ZNF804A: variants seen among roughly 807,000 people sequenced by gnomAD.
The protein encoded by ZNF804A is zinc finger protein 804A.
ZNF804A carries 2 observed loss-of-function variants against 16.5 expected under a neutral mutation model. The ratio of observed to expected loss-of-function variants is 0.12; its 90% CI spans 0.05 to 0.38. The LOEUF (loss-of-function observed/expected upper bound fraction) is 0.38, where lower values mean the gene tolerates loss of function less well. Among genes scored for constraint, ZNF804A ranks in the 10% least tolerant of loss-of-function variants. The pLI, the probability that ZNF804A is intolerant of heterozygous loss-of-function variation, is 0.99. For synonymous variants in ZNF804A, 534 were observed against 489.6 expected, an observed-to-expected ratio of 1.09 and a Z score of -1.20; for missense variants, 1,473 against 1,390.7, an observed-to-expected ratio of 1.06 and a Z score of -0.94.
rs2083485144 is a variant in ZNF804A at position 184,938,073 on chromosome 2, G to A, written c.2677G>A (p.Gly893Ser). The change falls in exon 4 of 4, where the codon GGT becomes AGT. Residue 893 changes from glycine to serine, a missense_variant. By Grantham distance (56) the Gly-to-Ser change is moderately conservative. Transcript: ENST00000302277. ...PNNLLPSETN[G>S]ETEHLEMETT... ...CAATCTCCTTCCTTCTGAAACCAAT[G>A]GTGAAACTGAGCATTTAGAAATGGA... The A allele has an allele frequency of 1.2e-6, 2 of 1,613,926 alleles. No individual in the cohort carries two copies. Among genetic ancestry groups the A allele is most frequent in the Non-Finnish European group, 1.7e-6 (2 of 1,180,028 alleles).
chr2:184,640,071 T>A (rs1435202241), intron 1 of ZNF804A, among the ~76,000 whole-genome samples: 3 of 151,954 alleles, frequency 2.0e-5, no homozygotes, highest in Non-Finnish European at 4.4e-5. Context: ...TCAGTACACA[T>A]ATAAATCTAG....
At chr2:184,931,649 C>T (rs562346690) in intron 2 of ZNF804A, among the ~76,000 whole-genome samples, 9 of 152,294 alleles carry the variant, frequency 5.9e-5, no homozygotes, top group African/African-American at 1.9e-4. Flanking sequence ...GTGAAGAAAC[C>T]TGACATGCCT....
At chr2:184,890,225 G>A (rs1477879250) in intron 2 of ZNF804A, among the ~76,000 whole-genome samples, 1 of 152,154 alleles carries the variant, frequency 6.6e-6, no homozygotes, top group African/African-American at 2.4e-5. Flanking sequence ...AAATGTTACT[G>A]TGTTGCCTTA....
intron 1 of ZNF804A, among the ~76,000 whole-genome samples, chr2:184,630,618 A>C (rs1418883627): frequency 1.3e-5 from 2 of 152,158 alleles, no homozygotes; most frequent in African/African-American, 2.4e-5. Flanking sequence ...AAGGGTAAAA[A>C]ATTCAAGGTT....
chr2:184,646,450 G>T lies in ZNF804A; in HGVS notation c.111+47380G>T, dbSNP rs146167643. Among the ~76,000 whole-genome samples, 266 of 152,310 alleles carry T rather than the reference G, an allele frequency of 1.7e-3. 3 individuals carry two copies. The East Asian group carries it at 0.023, about 13-fold the overall frequency. ...GCCCTCTGTGGTTTATGCCCAGGCA[G>T]AGCTCCAAGTATTCAGAGCATTTGC... On this transcript the variant is annotated intron_variant, in intron 1 of 3. Coordinates refer to ENST00000302277, the MANE Select transcript of ZNF804A (RefSeq NM_194250.2).
At chr2:184,621,798 G>A (rs1277987930) in intron 1 of ZNF804A, among the ~76,000 whole-genome samples, 2 of 151,666 alleles carry the variant, frequency 1.3e-5, no homozygotes. Flanking sequence ...GTATAGAAAT[G>A]CTTGTACCTA....
chr2:184,722,458 A>G (rs1217456670), intron 1 of ZNF804A, among the ~76,000 whole-genome samples: 5 of 152,038 alleles, frequency 3.3e-5, no homozygotes, highest in Admixed American at 6.6e-5. Context: ...ATGTTTCTGA[A>G]GACAGAAGTT....
chr2:184,796,696 A>G (rs1339642840), intron 1 of ZNF804A, among the ~76,000 whole-genome samples: 1 of 151,550 alleles, frequency 6.6e-6, no homozygotes. Context: ...TTGTTTCTCT[A>G]GTTCCTTGAG....
chr2:184,614,598 C>G (rs1230882277), intron 1 of ZNF804A, among the ~76,000 whole-genome samples: 1 of 152,126 alleles, frequency 6.6e-6, no homozygotes, highest in East Asian at 1.9e-4. Flanking sequence ...GCCTTTAACT[C>G]TCACAATTAA....
chr2:184,860,598 G>A (rs1157071520), intron 1 of ZNF804A, among the ~76,000 whole-genome samples: 5 of 152,172 alleles, frequency 3.3e-5, no homozygotes, highest in Non-Finnish European at 7.3e-5. Flanking sequence ...GCTAAGAAAG[G>A]CCCAGAAAGA....
At chr2:184,798,825 A>G (rs1203625574) in intron 1 of ZNF804A, among the ~76,000 whole-genome samples, 1 of 152,056 alleles carries the variant, frequency 6.6e-6, no homozygotes, top group Non-Finnish European at 1.5e-5. Flanking sequence ...TCATATTTCC[A>G]GAGTTGGTTT....
chr2:184,738,373 G>A (rs1693666184), intron 1 of ZNF804A, among the ~76,000 whole-genome samples: 1 of 152,050 alleles, frequency 6.6e-6, no homozygotes, highest in Non-Finnish European at 1.5e-5. Context: ...TGGACAATTA[G>A]AGTCTTAGAA....
intron 1 of ZNF804A, among the ~76,000 whole-genome samples, chr2:184,722,667 A>C (rs1164892096): frequency 6.6e-6 from 1 of 151,990 alleles, no homozygotes; most frequent in Non-Finnish European, 1.5e-5. Context: ...TCAACAATGA[A>C]AGTTATAACT....
chr2:184,646,064 G>T (rs1021842013), intron 1 of ZNF804A, among the ~76,000 whole-genome samples: 1 of 152,146 alleles, frequency 6.6e-6, no homozygotes, highest in Admixed American at 6.5e-5. Flanking sequence ...TATTTTCCCA[G>T]ACCCAAGACT....
Position 184,612,228 on chromosome 2 carries a change from A to G in ZNF804A, c.111+13158A>G, listed in dbSNP as rs534998999. Among the ~76,000 whole-genome samples, 11 of 152,304 alleles carry G rather than the reference A, an allele frequency of 7.2e-5. No homozygotes were observed. In the East Asian group the frequency reaches 7.7e-4, roughly 11 times the overall value. ...ATTATTTCTTATTTTCATGATTGCC[A>G]TAAGTGATATTATATAAATAGAAAA... On this transcript the variant is annotated intron_variant, in intron 1 of 3. Coordinates refer to ENST00000302277, the MANE Select transcript of ZNF804A (RefSeq NM_194250.2).
intron 1 of ZNF804A, among the ~76,000 whole-genome samples, chr2:184,736,862 T>C (rs1217964883): frequency 6.6e-6 from 1 of 151,752 alleles, no homozygotes; most frequent in Non-Finnish European, 1.5e-5. Context: ...TTTCTTCTTT[T>C]TTTTTTTTTT....
intron 1 of ZNF804A, among the ~76,000 whole-genome samples, chr2:184,767,182 G>T (rs1324898180): frequency 6.6e-6 from 1 of 152,092 alleles, no homozygotes; most frequent in African/African-American, 2.4e-5. Flanking sequence ...AAGCTATTCT[G>T]ACTAACACAC....
chr2:184,849,599 G>C (rs1695572005), intron 1 of ZNF804A, among the ~76,000 whole-genome samples: 1 of 152,008 alleles, frequency 6.6e-6, no homozygotes, highest in Non-Finnish European at 1.5e-5. Flanking sequence ...TATTGGCAAG[G>C]ATGTAGAGAA....
chr2:184,894,563 C>T (rs891567871), intron 2 of ZNF804A, among the ~76,000 whole-genome samples: 1 of 151,986 alleles, frequency 6.6e-6, no homozygotes, highest in Admixed American at 6.6e-5. Context: ...CTAGATTACA[C>T]TTTTATTAAT....
Sources: gnomAD v4.1 joint callset for allele counts (sites outside exome capture counted in the v4.1 genomes callset) on GRCh38, gnomAD v4.1.1 for gene constraint, MANE v1.5 for transcripts, NCBI Gene and HGNC (gene_info 2026-07-23, HGNC 2026-07-21) for gene names.